Variants in INTS6 observed in about 807,000 individuals in gnomAD.
INTS6 encodes the protein integrator complex subunit 6, also known as DEAD box protein.
A neutral mutation model predicts 104.9 loss-of-function variants in INTS6; 16 were observed. The observed-to-expected ratio is 0.15, with a 90% CI of 0.10 to 0.23. The LOEUF is 0.23. Among genes scored for constraint, INTS6 ranks in the 10% least tolerant of loss-of-function variants. INTS6 has a pLI of 1.00. For synonymous variants in INTS6, 324 were observed against 358.7 expected (o/e 0.90, Z 1.09); for missense variants, 584 against 1,062.8 (o/e 0.55, Z 6.26).
At chr13:51,386,200 G>A (rs1041459500) in intron 7 of INTS6, among the ~76,000 whole-genome samples, 2 of 151,992 alleles carry the variant, frequency 1.3e-5, no homozygotes, top group Non-Finnish European at 2.9e-5. Flanking sequence ...AAGAATTTGT[G>A]ATAGACTGCT....
At chr13:51,423,081 TC>T in intron 4 of INTS6, 1 of 1,281,052 alleles carries the variant, frequency 7.8e-7, no homozygotes, top group Non-Finnish European at 1.0e-6. Context: ...CATCTGTGTG[TC>T]CCCAGTACCT....
chr13:51,435,629 C>T (rs1168471850), intron 3 of INTS6, among the ~76,000 whole-genome samples: 2 of 151,872 alleles, frequency 1.3e-5, no homozygotes, highest in Non-Finnish European at 2.9e-5. Flanking sequence ...TTTGAAAATA[C>T]TAAGAAAAGG....
In INTS6 at chr13:51,452,364, GC is replaced by G; in HGVS notation, c.111+50del. ...CCCGGCCGCCCTCCCCCACCCTGCCGCCCGCGGGCCGCCGGGCCGGGGTCGC... is the reference window on the plus strand; with the variant it reads ...CCCGGCCGCCCTCCCCCACCCTGCCGCCGCGGGCCGCCGGGCCGGGGTCGC... On this transcript the variant is annotated intron_variant, in intron 1 of 17. Coordinates refer to ENST00000311234, the MANE Select transcript of INTS6 (RefSeq NM_012141.3). This position sits in a 1 kb window ranked among gnomAD's most constrained non-coding sequence, Gnocchi z 4.2. 1 of 1,455,582 alleles carries G rather than the reference GC, an allele frequency of 6.9e-7. No homozygotes were observed. 90.2% of individuals were successfully genotyped at this position (1,455,582 alleles called of 1,614,324 possible).
rs61749884 is a variant in INTS6, at chr13:51,367,807, T to C, written c.2568A>G (p.Ser856=). ...IFLQNVIKEA[S]RFKKRMLIEQ... ...ATTATATGCAATAGTTTATTTACCT[T>C]GATGCTTCTTTAATGACATTTTGTA... Residue 856 remains serine (S), a splice_region_variant and synonymous_variant, in exon 17 of 18, where the codon TCA becomes TCG. Transcript: ENST00000311234. 18,958 of 1,539,298 alleles carry C rather than the reference T, an allele frequency of 0.012. 293 individuals are homozygous for C. Among genetic ancestry groups the C allele is most frequent in the East Asian group, 0.066 (2,873 of 43,798 alleles).
chr13:51,440,527 AACTC>A (rs1284378678), intron 3 of INTS6: 2 of 152,160 alleles, frequency 1.3e-5, no homozygotes, highest in Admixed American at 1.3e-4. Context: ...ACTCATCACG[AACTC>A]ACTCACCCAC....
chr13:51,377,591 CTTATT>C (rs1403193946), intron 12 of INTS6, among the ~76,000 whole-genome samples: 1 of 152,064 alleles, frequency 6.6e-6, no homozygotes, highest in East Asian at 1.9e-4. Flanking sequence ...TATCCACTAC[CTTATT>C]TTAATATCTT....
intron 4 of INTS6, among the ~76,000 whole-genome samples, chr13:51,428,816 C>T (rs1347292304): frequency 6.6e-6 from 1 of 152,086 alleles, no homozygotes; most frequent in African/African-American, 2.4e-5. Context: ...TTATAATCTA[C>T]CTAAATTTTT....
At chr13:51,350,125 G>A (rs931284683), downstream of INTS6, among the ~76,000 whole-genome samples, 9 of 152,062 alleles carry the variant, frequency 5.9e-5, no homozygotes, top group African/African-American at 1.2e-4. Flanking sequence ...GGCATTTTTC[G>A]TTTAACAAGA....
At chr13:51,348,540 C>T in the INTS6 span, 30 of 695,226 alleles carry the variant, frequency 4.3e-5, no homozygotes, top group African/African-American at 7.2e-5. Flanking sequence ...TATGTATCCC[C>T]AGAAGTTAGA....
At chr13:51,348,868 G>C in the INTS6 span, among the ~76,000 whole-genome samples, 1 of 52,632 alleles carries the variant, frequency 1.9e-5, no homozygotes, top group Non-Finnish European at 3.2e-5. Context: ...ATAAAATTCT[G>C]ATCAGACGCC....
chr13:51,437,389 G>C (rs1468915432), intron 3 of INTS6: 2 of 151,844 alleles, frequency 1.3e-5, no homozygotes, highest in African/African-American at 2.4e-5. Context: ...TTGAATGTAG[G>C]GCAAAGAAGC....
intron 4 of INTS6, among the ~76,000 whole-genome samples, chr13:51,401,904 T>G (rs1314582532): frequency 1.3e-5 from 2 of 152,154 alleles, no homozygotes; most frequent in Non-Finnish European, 2.9e-5. Context: ...TTAAAAAAAC[T>G]AATTGTATTC....
chr13:51,446,154 T>G (rs1952912342), intron 3 of INTS6: 1 of 152,082 alleles, frequency 6.6e-6, no homozygotes, highest in South Asian at 2.1e-4. Flanking sequence ...GAGAAAATAT[T>G]TGCAAATCAT....
intron 13 of INTS6, among the ~76,000 whole-genome samples, chr13:51,375,414 C>T (rs1332327512): frequency 6.7e-6 from 1 of 149,846 alleles, no homozygotes; most frequent in Admixed American, 6.6e-5. Context: ...CTCTTCTGCG[C>T]TATTCCAAAT....
At chr13:51,343,541 G>A in the INTS6 span, among the ~76,000 whole-genome samples, 267 of 152,352 alleles carry the variant, frequency 1.8e-3, no homozygotes, top group Non-Finnish European at 2.9e-3. Context: ...TGCCATCCAC[G>A]AAGGTGGAAG....
rs149924575 is a variant in INTS6 at position 51,367,840 on chromosome 13, T to C, written c.2535A>G (p.Leu845=). 4.3e-4 allele frequency: 683 copies of C among 1,594,134 alleles called. 2 individuals carry two copies. In the Middle Eastern group the frequency reaches 4.9e-3, roughly 11 times the overall value. The stretch of plus-strand genomic sequence containing the variant: ...CTTTAATGACATTTTGTAAAAATAT[T>C]AGTCTTGTTTGTAAACTGCCTTGCA... ...KHVQGSLQTR[L]IFLQNVIKEA... The change falls in exon 17 of 18, where the codon CTA becomes CTG. Residue 845 remains leucine (L), a synonymous_variant. Transcript: ENST00000311234.
At chr13:51,335,445 C>T in the INTS6 span, among the ~76,000 whole-genome samples, 17 of 152,236 alleles carry the variant, frequency 1.1e-4, no homozygotes, top group African/African-American at 3.6e-4. Context: ...GAATGAGATA[C>T]GACTTTGCAT....
At chr13:51,361,182 T>G (rs1299984801), downstream of INTS6, 1 of 819,498 alleles carries the variant, frequency 1.2e-6, no homozygotes, top group Non-Finnish European at 2.0e-6. Context: ...CATTGGATAC[T>G]ATAAATTTTG....
At chr13:51,409,779 A>G (rs1956649019) in intron 4 of INTS6, among the ~76,000 whole-genome samples, 1 of 152,188 alleles carries the variant, frequency 6.6e-6, no homozygotes, top group Non-Finnish European at 1.5e-5. Flanking sequence ...TTGAAGCAAG[A>G]AAAAGAAATA....
Sources: allele counts gnomAD v4.1 joint callset (sites outside exome capture counted in the v4.1 genomes callset), GRCh38; gene constraint gnomAD v4.1.1; non-coding constraint Gnocchi (gnomAD v3.1); transcripts MANE v1.5; gene names NCBI Gene and HGNC (gene_info 2026-07-23, HGNC 2026-07-21).